The following MROH1 variants were observed in gnomAD, a reference collection of about 807,000 sequenced individuals.
MROH1 encodes maestro heat like repeat family member 1, also known as maestro heat-like repeat-containing protein family member 1.
MROH1 carries 117 observed loss-of-function variants against 116.5 expected under a neutral mutation model. That is an observed-to-expected ratio of 1.00 (90% CI 0.86 to 1.17). MROH1 has a LOEUF of 1.17. Ranked by LOEUF, MROH1 falls within the 50% of genes most tolerant of loss-of-function variation. The pLI, the probability that MROH1 is intolerant of heterozygous loss-of-function variation, is 0.00. For synonymous variants in MROH1, 921 were observed against 583.9 expected, an observed-to-expected ratio of 1.58 and a Z score of -8.32; for missense variants, 1,873 against 1,338.5, an observed-to-expected ratio of 1.40 and a Z score of -6.23.
intron 12 of MROH1, among the ~76,000 whole-genome samples, chr8:144,202,447 C>CT (rs1831430384): frequency 7.6e-6 from 1 of 131,832 alleles, no homozygotes; most frequent in Admixed American, 7.6e-5. Flanking sequence ...GGAAGCGCCC[C>CT]CTCTGTGGAG....
intron 14 of MROH1, among the ~76,000 whole-genome samples, chr8:144,234,498 G>GTTTTTGTTTTTTTTT (rs1839621583): frequency 4.4e-4 from 8 of 18,104 alleles, no homozygotes; most frequent in Admixed American, 8.2e-4. Flanking sequence ...TTTCTTTTTC[G>GTTTTTGTTTTTTTTT]TTTTTTTTTT....
intron 14 of MROH1, among the ~76,000 whole-genome samples, chr8:144,226,969 C>T (rs767443747): frequency 2.6e-5 from 4 of 152,122 alleles, no homozygotes; most frequent in Admixed American, 6.6e-5. Context: ...CTCAGCATGT[C>T]GATTCTGTAT....
chr8:144,239,143 G>T lies in MROH1; in HGVS notation c.1555G>T (p.Gly519Trp). 1 of 768,974 alleles carries T rather than the reference G, an allele frequency of 1.3e-6. No homozygotes were observed. The highest frequency in any genetic ancestry group is 2.4e-6 in the Non-Finnish European group (1 of 417,144). 47.6% of individuals were successfully genotyped at this position (768,974 alleles called of 1,614,324 possible). A position where few individuals can be genotyped will look rare whatever the true frequency, so the allele number is the denominator to read the frequency against. The change falls in exon 16 of 44, where the codon GGG (glycine) becomes TGG (tryptophan). Residue 519 changes from glycine to tryptophan, a missense_variant. Coordinates refer to ENST00000326134, the MANE Select transcript of MROH1 (RefSeq NM_032450.3). ...VHLAQKRQEA[G>W]ADAFLIQYDA... ...TCTGGCGCAGAAGAGGCAGGAGGCCGGGGCCGACGCCTTCCTCATCCAGTA... is the reference window on the plus strand; with the variant it reads ...TCTGGCGCAGAAGAGGCAGGAGGCCTGGGCCGACGCCTTCCTCATCCAGTA...
At chr8:144,261,062 G>A in intron 41 of MROH1, 21 bp downstream of exon 41, 2 of 772,480 alleles carry the variant, frequency 2.6e-6, no homozygotes, top group Non-Finnish European at 4.8e-6. Context: ...GGGCCAGGCG[G>A]GGCGTGGTGG....
At position 144,259,985 on chromosome 8, in the gene MROH1, G is replaced by C. The variant is rs1844693923; in HGVS notation, c.4119G>C (p.Lys1373Asn). The change falls in exon 38 of 44, where the codon AAG becomes AAC. Residue 1373 changes from lysine to asparagine, a missense_variant. By Grantham distance (94) the Lys-to-Asn change is moderately conservative. Transcript: ENST00000326134. The stretch of plus-strand genomic sequence containing the variant: ...TGGAGAGCCTGGCGGCTCGCCAGAA[G>C]GACACATGCGCCAGCGTGCGGAGGC... ...SLLESLAARQ[K>N]DTCASVRRLV... is the part of the protein sequence containing the mutation. 3 of 738,424 alleles carry C rather than the reference G, an allele frequency of 4.1e-6. No individual in the cohort carries two copies. The highest frequency in any genetic ancestry group is 1.7e-5 in the African/African-American group (1 of 58,232). 45.7% of individuals were successfully genotyped at this position (738,424 alleles called of 1,614,324 possible). A position where few individuals can be genotyped will look rare whatever the true frequency, so the allele number is the denominator to read the frequency against.
chr8:144,178,170 G>C (rs191423635), intron 4 of MROH1, among the ~76,000 whole-genome samples: 1 of 61,984 alleles, frequency 1.6e-5, no homozygotes, highest in African/African-American at 3.5e-5. Flanking sequence ...GTCTTGCTCC[G>C]TGGCCCAGGC....
intron 14 of MROH1, among the ~76,000 whole-genome samples, chr8:144,228,835 T>C (rs1041379272): frequency 6.6e-6 from 1 of 152,206 alleles, no homozygotes; most frequent in South Asian, 2.1e-4. Context: ...AACTTTTCTA[T>C]GTCTTATGCA....
Position 144,261,662 on chromosome 8 carries a change from G to C in MROH1, c.4848G>C (p.Gln1616His). Residue 1616 changes from glutamine to histidine, a missense_variant, in exon 44 of 44, where the codon CAG (glutamine) becomes CAC (histidine). Coordinates refer to ENST00000326134, the MANE Select transcript of MROH1 (RefSeq NM_032450.3). ...CCCCTCCTCTACCCCCAGCGCTCCA[G>C]ATCCTGCTGAAGGACCCGGCCCCCG... ...VDLDQLIAAL[Q>H]ILLKDPAPEV... The C allele has an allele frequency of 4.2e-6, 3 of 721,930 alleles. No individual in the cohort carries two copies. In the Admixed American group the frequency reaches 5.6e-5, roughly 13 times the overall value. The allele number at this position is 721,930 out of a possible 1,614,324, so 44.7% of individuals were successfully genotyped here.
intron 1 of MROH1, among the ~76,000 whole-genome samples, chr8:144,151,347 C>T (rs929744541): frequency 2.0e-5 from 3 of 149,470 alleles, no homozygotes; most frequent in South Asian, 4.2e-4. Context: ...GAAGAAGACA[C>T]AAGCAACTGG....
At chr8:144,198,981 G>T in intron 10 of MROH1, 141 bp from the exon 11 acceptor site, 1 of 722,546 alleles carries the variant, frequency 1.4e-6, no homozygotes. Flanking sequence ...GAAAGAGCCT[G>T]GAGCGCCCGC....
intron 10 of MROH1, among the ~76,000 whole-genome samples, chr8:144,193,629 A>G (rs1336246909): frequency 2.0e-5 from 3 of 152,080 alleles, no homozygotes; most frequent in Non-Finnish European, 4.4e-5. Flanking sequence ...TTATTTTGAG[A>G]TGGAGTTTCG....
intron 35 of MROH1, among the ~76,000 whole-genome samples, chr8:144,258,483 C>T (rs920995515): frequency 3.3e-5 from 5 of 152,182 alleles, no homozygotes; most frequent in Non-Finnish European, 7.4e-5. Flanking sequence ...AAAGGAAGGC[C>T]GGTGCAGCCA....
At chr8:144,258,606 T>TG (rs1844373565) in intron 35 of MROH1, among the ~76,000 whole-genome samples, 171 bp from the exon 36 acceptor site, 1 of 152,034 alleles carries the variant, frequency 6.6e-6, no homozygotes, top group Admixed American at 6.5e-5. Flanking sequence ...GGTGGGGAAA[T>TG]GGGGGGCCTC....
At chr8:144,189,572 C>G (rs1828043775) in intron 7 of MROH1, among the ~76,000 whole-genome samples, 1 of 152,222 alleles carries the variant, frequency 6.6e-6, no homozygotes, top group African/African-American at 2.4e-5. Flanking sequence ...GCTCCCAGCT[C>G]TGCCCGCTCC....
intron 7 of MROH1, among the ~76,000 whole-genome samples, chr8:144,189,747 C>G (rs544203223): frequency 6.6e-6 from 1 of 152,350 alleles, no homozygotes; most frequent in East Asian, 1.9e-4. Context: ...CCCGCCCACA[C>G]TGTGCCCAGC....
intron 4 of MROH1, among the ~76,000 whole-genome samples, chr8:144,176,409 G>T (rs998691001): frequency 6.6e-6 from 1 of 150,862 alleles, no homozygotes; most frequent in Non-Finnish European, 1.5e-5. Flanking sequence ...GGTGGTGTGT[G>T]CCTGTAGTCC....
intron 12 of MROH1, among the ~76,000 whole-genome samples, chr8:144,211,818 T>C (rs527753112): frequency 5.9e-5 from 9 of 152,290 alleles, no homozygotes; most frequent in Non-Finnish European, 1.3e-4. Flanking sequence ...ATTGGTTTCC[T>C]ATCACCCTCC....
At chr8:144,184,832 G>A (rs940832562) in intron 7 of MROH1, among the ~76,000 whole-genome samples, 6 of 152,198 alleles carry the variant, frequency 3.9e-5, no homozygotes, top group South Asian at 2.1e-4. Context: ...TGGAGGGGCC[G>A]CCAGGAGCTG....
intron 12 of MROH1, 26 bp downstream of exon 12, chr8:144,200,567 C>T (rs779348376): frequency 1.6e-4 from 240 of 1,499,904 alleles, no homozygotes; most frequent in Non-Finnish European, 1.9e-4. Flanking sequence ...CTAGCCTGGC[C>T]GCCACCCCTG....
Sources: allele counts gnomAD v4.1 joint callset (sites outside exome capture counted in the v4.1 genomes callset), GRCh38; gene constraint gnomAD v4.1.1; transcripts MANE v1.5; gene names NCBI Gene and HGNC (gene_info 2026-07-23, HGNC 2026-07-21).